Variants in TAF2 observed in about 807,000 individuals in gnomAD.
TAF2 encodes the protein TATA-box binding protein associated factor 2.
Under a neutral mutation model 138.5 loss-of-function variants are expected in TAF2, and 61 were observed. The observed-to-expected ratio is 0.44, with a 90% CI of 0.36 to 0.54. The LOEUF (loss-of-function observed/expected upper bound fraction) is 0.54, where lower values mean the gene tolerates loss of function less well. Ranked by LOEUF, TAF2 falls within the 20% of genes least tolerant of loss-of-function variation. The pLI is 0.00. For synonymous variants in TAF2, 475 were observed against 469.9 expected (o/e 1.01, Z -0.14); for missense variants, 1,090 against 1,427.9 (o/e 0.76, Z 3.81).
At chr8:119,735,115 A>C (rs1192506687) in intron 25 of TAF2, among the ~76,000 whole-genome samples, 1 of 152,160 alleles carries the variant, frequency 6.6e-6, no homozygotes, top group African/African-American at 2.4e-5. Flanking sequence ...CTGACTCCAG[A>C]GTCTTACTCT....
At chr8:119,761,221 T>C (rs1449445616) in intron 19 of TAF2, among the ~76,000 whole-genome samples, 1 of 152,212 alleles carries the variant, frequency 6.6e-6, no homozygotes, top group East Asian at 1.9e-4. Context: ...AATATATAAG[T>C]ACTTACCATT....
Position 119,762,462 on chromosome 8 carries a change from C to T in TAF2, c.2511G>A (p.Leu837=). The T allele has an allele frequency of 6.2e-7, 1 of 1,613,918 alleles. No individual in the cohort carries two copies. Among genetic ancestry groups the T allele is most frequent in the Non-Finnish European group, 8.5e-7 (1 of 1,179,936 alleles). ...AACTCGGAAGAAGTTTTTCCATATT[C>T]AAAAATCTGGTGATTTCTTCAAGAA... ...RLILEEITRF[L]NMEKLLPSYR... is the part of the protein sequence containing the mutation. Residue 837 remains leucine, a synonymous_variant, in exon 19 of 26, where the codon TTG becomes TTA. Transcript: ENST00000378164.
At position 119,757,984 on chromosome 8, in the gene TAF2, C is replaced by T. The variant is rs567603752; in HGVS notation, c.2768+89G>A. 5.5e-6 allele frequency: 6 copies of T among 1,089,542 alleles called. No homozygotes were observed. In the East Asian group the frequency reaches 1.4e-4, roughly 26 times the overall value. 67.5% of individuals were successfully genotyped at this position (1,089,542 alleles called of 1,614,324 possible). A position where few individuals can be genotyped will look rare whatever the true frequency, so the allele number is the denominator to read the frequency against. ...AAGATATTCCCATATTTTCAAAAATCATAAACAAGCATTTTATGTGTAATC... is the reference window on the plus strand; with the variant it reads ...AAGATATTCCCATATTTTCAAAAATTATAAACAAGCATTTTATGTGTAATC... On this transcript the variant is annotated intron_variant, in intron 21 of 25. Coordinates refer to ENST00000378164, the MANE Select transcript of TAF2 (RefSeq NM_003184.4).
chr8:119,744,804 A>C (rs929195124), intron 23 of TAF2: 4 of 419,904 alleles, frequency 9.5e-6, no homozygotes, highest in African/African-American at 8.2e-5. Context: ...AGGAAAAACC[A>C]CTGCAAGTAT....
rs942676323 is a variant in TAF2 at position 119,746,706 on chromosome 8, G to C, written c.3107C>G (p.Pro1036Arg). The C allele has an allele frequency of 1.9e-6, 3 of 1,613,920 alleles. No individual in the cohort carries two copies. The South Asian group carries it at 3.3e-5, about 18-fold the overall frequency. ...SHPQLVGFQN[P>R]FSSSQDEEEI... is the part of the protein sequence containing the mutation. ...TTCTGTAATACATGTGATTCTTACAGGGTTCTGAAATCCAACTAGCTGTGG... is the reference window on the plus strand; with the variant it reads ...TTCTGTAATACATGTGATTCTTACACGGTTCTGAAATCCAACTAGCTGTGG... Residue 1036 changes from proline to arginine, a missense_variant and splice_region_variant, in exon 23 of 26, where the codon CCT (proline) becomes CGT (arginine). Pro to Arg is a moderately radical substitution (Grantham distance 103). Around this residue, in one of 3 missense-constraint regions of TAF2, gnomAD observed 580 missense variants for 719.6 expected, o/e 0.81. Transcript: ENST00000378164.
intron 2 of TAF2, among the ~76,000 whole-genome samples, chr8:119,825,693 T>A (rs531850962): frequency 5.1e-4 from 78 of 152,150 alleles, no homozygotes; most frequent in African/African-American, 1.9e-3. Flanking sequence ...GTTTGTTTGT[T>A]TGTTTTTATG....
At chr8:119,762,313 T>C in intron 19 of TAF2, 102 bp downstream of exon 19, 1 of 1,159,256 alleles carries the variant, frequency 8.6e-7, no homozygotes, top group Non-Finnish European at 1.2e-6. Context: ...ATTTTAGTTT[T>C]CTCATTTTAC....
At chr8:119,756,173 T>G in intron 21 of TAF2, 58 bp from the exon 22 acceptor site, 1 of 1,218,132 alleles carries the variant, frequency 8.2e-7, no homozygotes, top group Non-Finnish European at 1.2e-6. Flanking sequence ...ATGCTATGAG[T>G]AGGAGACAAC....
chr8:119,787,075 G>A (rs1171555249), intron 14 of TAF2, among the ~76,000 whole-genome samples: 2 of 152,146 alleles, frequency 1.3e-5, no homozygotes, highest in African/African-American at 4.8e-5. Flanking sequence ...AAACTAAAGA[G>A]TTTCTGCACA....
intron 3 of TAF2, among the ~76,000 whole-genome samples, chr8:119,816,196 A>G (rs986902761): frequency 2.0e-5 from 3 of 150,716 alleles, no homozygotes; most frequent in Admixed American, 6.6e-5. Flanking sequence ...GACTACAGGC[A>G]CCCACTACTA....
chr8:119,798,714 G>C (rs926782148), intron 6 of TAF2, among the ~76,000 whole-genome samples: 1 of 152,074 alleles, frequency 6.6e-6, no homozygotes, highest in African/African-American at 2.4e-5. Flanking sequence ...ATGCTAAAGA[G>C]TTCTAATTAC....
Position 119,762,490 on chromosome 8 carries a change from A to C in TAF2, c.2483T>G (p.Leu828Arg). The C allele has an allele frequency of 6.2e-7, 1 of 1,614,018 alleles. No individual in the cohort carries two copies. Reference sequence around the variant, plus strand: ...AAATCTGGTGATTTCTTCAAGAATGAGTCGCACATCAGGATTTAAGTTATC... The same window carrying C: ...AAATCTGGTGATTTCTTCAAGAATGCGTCGCACATCAGGATTTAAGTTATC... ...TLDNLNPDVRLILEEITRFLN... is the reference protein window; with the variant it reads ...TLDNLNPDVRRILEEITRFLN... The change falls in exon 19 of 26, where the codon CTC becomes CGC. Residue 828 changes from leucine to arginine, a missense_variant. Physicochemically the swap from Leu to Arg is moderately radical, Grantham distance 102 (BLOSUM62 -2). Around this residue, in one of 3 missense-constraint regions of TAF2, gnomAD observed 580 missense variants for 719.6 expected, o/e 0.81. Coordinates refer to ENST00000378164, the MANE Select transcript of TAF2 (RefSeq NM_003184.4).
intron 21 of TAF2, among the ~76,000 whole-genome samples, chr8:119,757,820 C>T (rs544307767): frequency 1.3e-5 from 2 of 152,090 alleles, no homozygotes; most frequent in South Asian, 4.1e-4. Flanking sequence ...CGCTTGAACC[C>T]AGGAGGCGGA....
chr8:119,754,469 G>C (rs1289672005), intron 22 of TAF2, among the ~76,000 whole-genome samples: 3 of 152,050 alleles, frequency 2.0e-5, no homozygotes, highest in African/African-American at 7.2e-5. Context: ...CGGATCACAA[G>C]GTCAGGAGTT....
chr8:119,776,740 T>C (rs1024611012), intron 18 of TAF2, among the ~76,000 whole-genome samples: 60 of 152,262 alleles, frequency 3.9e-4, no homozygotes, highest in African/African-American at 1.4e-3. Context: ...TGTGTCTTTG[T>C]ATGTGCTGTT....
chr8:119,747,456 T>C lies in TAF2; in HGVS notation c.2879-522A>G, dbSNP rs570223363. ...AAACCACAAGCATGACAATGGGCAG[T>C]AGACGTGGACTTGACCAGAAAATAA... On this transcript the variant is annotated intron_variant, in intron 22 of 25. Coordinates refer to ENST00000378164, the MANE Select transcript of TAF2 (RefSeq NM_003184.4). Among the ~76,000 whole-genome samples the C allele has an allele frequency of 1.6e-4, 25 of 152,350 alleles. No homozygotes were observed. In the South Asian group the frequency reaches 4.8e-3, roughly 29 times the overall value.
At chr8:119,748,089 A>C (rs1820104421) in intron 22 of TAF2, among the ~76,000 whole-genome samples, 1 of 151,934 alleles carries the variant, frequency 6.6e-6, no homozygotes. Flanking sequence ...GCACCACTGC[A>C]CTCGAACCTG....
At chr8:119,753,453 C>T (rs1820493974) in intron 22 of TAF2, among the ~76,000 whole-genome samples, 1 of 152,156 alleles carries the variant, frequency 6.6e-6, no homozygotes, top group African/African-American at 2.4e-5. Flanking sequence ...TCTATAAAAA[C>T]ATTTTTTTAA....
rs558006188 is a variant in TAF2, at chr8:119,741,119, A to ATTTTT, written c.3337+1414_3337+1415insAAAAA. 1.4e-3 allele frequency among the ~76,000 whole-genome samples: 214 copies of ATTTTT among 152,326 alleles called. 1 individual carries two copies. The highest frequency in any genetic ancestry group is 4.9e-3 in the African/African-American group (205 of 41,572). On this transcript the variant is annotated intron_variant, in intron 25 of 25. Coordinates refer to ENST00000378164, the MANE Select transcript of TAF2 (RefSeq NM_003184.4). ...ATAAAGAAAGAACTGAAAAAAAGTG[A>ATTTTT]AAATGTATTTTTAAAAGCAATAAGG...
Sources: allele counts gnomAD v4.1 joint callset (sites outside exome capture counted in the v4.1 genomes callset), GRCh38; gene constraint gnomAD v4.1.1; regional missense constraint gnomAD v4.1.1; transcripts MANE v1.5; gene names NCBI Gene and HGNC (gene_info 2026-07-23, HGNC 2026-07-21).